VPS39: variants seen among roughly 807,000 people sequenced by gnomAD.
VPS39 encodes the protein vam6/Vps39-like protein.
Under a neutral mutation model 121.0 loss-of-function variants are expected in VPS39, and 70 were observed. That is an observed-to-expected ratio of 0.58 (90% CI 0.48 to 0.71). The LOEUF (loss-of-function observed/expected upper bound fraction) is 0.71, where lower values mean the gene tolerates loss of function less well. VPS39 is among the 30% of genes least tolerant of loss of function. The probability of loss-of-function intolerance (pLI) is 0.00; values close to 1 mark genes in which losing one functional copy is unlikely to be tolerated. For missense variants in VPS39, 818 were observed against 1,051.5 expected, an observed-to-expected ratio of 0.78 and a Z score of 3.07; for synonymous variants, 378 against 398.1, an observed-to-expected ratio of 0.95 and a Z score of 0.60.
Position 42,166,196 on chromosome 15 carries a change from A to G in VPS39, c.1643T>C (p.Val548Ala). 1 of 1,614,226 alleles carries G rather than the reference A, an allele frequency of 6.2e-7. No individual in the cohort carries two copies. Among genetic ancestry groups the G allele is most frequent in the Non-Finnish European group, 8.5e-7 (1 of 1,180,030 alleles). Residue 548 changes from valine to alanine, a missense_variant, in exon 16 of 25, where the codon GTG (valine) becomes GCG (alanine). Transcript: ENST00000318006. Reference sequence around the variant, plus strand: ...TTCTGGGAAGTCTCTCAGCACCCACACTGAGTAGGAGAAAATCAAATGCAG... The same window carrying G: ...TTCTGGGAAGTCTCTCAGCACCCACGCTGAGTAGGAGAAAATCAAATGCAG... ...ENLHLIFSYS[V>A]WVLRDFPEDG...
intron 16 of VPS39, 33 bp downstream of exon 16, chr15:42,166,126 A>C (rs767346449): frequency 6.3e-7 from 1 of 1,598,992 alleles, no homozygotes; most frequent in African/African-American, 1.3e-5. Flanking sequence ...CCAAGTGTTT[A>C]CCAGATAAAT....
At chr15:42,175,757 C>G (rs1404453001) in intron 10 of VPS39, among the ~76,000 whole-genome samples, 1 of 151,996 alleles carries the variant, frequency 6.6e-6, no homozygotes. Context: ...GAGTCCCAAA[C>G]ACTTAGGCCA....
In VPS39 at chr15:42,200,220, G is replaced by A. The variant is rs150421034; in HGVS notation, c.74-259C>T. Among the ~76,000 whole-genome samples the A allele has an allele frequency of 3.5e-4, 53 of 152,132 alleles. No homozygotes were observed. The East Asian group carries it at 0.01, about 29-fold the overall frequency. ...ACATATCAGAGGATAAAAATGTCCT[G>A]GCTCAATTGTTTTAATGTTAAACTA... is the stretch of plus-strand genomic sequence containing the variant. On this transcript the variant is annotated intron_variant, in intron 1 of 24. Transcript: ENST00000318006.
chr15:42,167,588 C>T (rs1566892405), intron 12 of VPS39, 51 bp from the exon 13 acceptor site: 3 of 1,598,658 alleles, frequency 1.9e-6, no homozygotes, highest in Admixed American at 1.7e-5. Context: ...CTTCCTTTGT[C>T]ATCTGAGCTA....
chr15:42,183,106 G>GT (rs1319799073), intron 8 of VPS39, among the ~76,000 whole-genome samples: 100 of 112,570 alleles, frequency 8.9e-4, no homozygotes, highest in South Asian at 3.3e-3. Flanking sequence ...TGTGTTTTTT[G>GT]TTTTTTTTTT....
chr15:42,191,000 T>C (rs1392296275), intron 4 of VPS39, 125 bp downstream of exon 4: 1 of 1,051,890 alleles, frequency 9.5e-7, no homozygotes, highest in Non-Finnish European at 1.5e-6. Flanking sequence ...TGTACCCTGT[T>C]ATACCAGGTT....
At chr15:42,173,550 A>G in intron 11 of VPS39, 173 bp downstream of exon 11, 2 of 707,706 alleles carry the variant, frequency 2.8e-6, no homozygotes, top group East Asian at 5.5e-5. Context: ...TAGGATTAGG[A>G]GTATAGATAT....
intron 4 of VPS39, among the ~76,000 whole-genome samples, chr15:42,189,612 C>G (rs1595672939): frequency 6.6e-6 from 1 of 150,970 alleles, no homozygotes; most frequent in East Asian, 2.0e-4. Context: ...GCCTGTAATC[C>G]CAGCTACTCA....
intron 8 of VPS39, among the ~76,000 whole-genome samples, chr15:42,179,623 A>AAAT (rs1248943349): frequency 7.1e-4 from 101 of 141,630 alleles, no homozygotes; most frequent in Non-Finnish European, 1.2e-3. Flanking sequence ...ATAAATAAAT[A>AAAT]AAATAAAAAA....
intron 2 of VPS39, among the ~76,000 whole-genome samples, chr15:42,198,761 A>C (rs535262263): frequency 5.3e-5 from 8 of 152,216 alleles, no homozygotes; most frequent in Non-Finnish European, 1.0e-4. Flanking sequence ...ATACCTATTC[A>C]TTACATATTG....
chr15:42,203,599 C>T (rs2050111717), intron 1 of VPS39, among the ~76,000 whole-genome samples: 1 of 151,934 alleles, frequency 6.6e-6, no homozygotes, highest in South Asian at 2.1e-4. Flanking sequence ...AGATTGTGCG[C>T]CATTGCACTC....
chr15:42,171,812 AT>A (rs1293801202), intron 11 of VPS39, among the ~76,000 whole-genome samples: 1 of 151,860 alleles, frequency 6.6e-6, no homozygotes, highest in Non-Finnish European at 1.5e-5. Flanking sequence ...GTCTCCATGA[AT>A]CTGCCTACTC....
At chr15:42,187,889 CAAT>C in intron 5 of VPS39, 33 bp from the exon 6 acceptor site, 4 of 1,579,452 alleles carry the variant, frequency 2.5e-6, no homozygotes, top group Non-Finnish European at 3.5e-6. Flanking sequence ...AATGAAAATA[CAAT>C]GACTCTCTCT....
At position 42,191,155 on chromosome 15, in the gene VPS39, A is replaced by C; in HGVS notation, c.217T>G (p.Ser73Ala). 1 of 1,614,182 alleles carries C rather than the reference A, an allele frequency of 6.2e-7. No homozygotes were observed. The highest frequency in any genetic ancestry group is 1.1e-5 in the South Asian group (1 of 91,082). ...SKKIQQIHVV[S>A]QFKILVSLLE... Reference sequence around the variant, plus strand: ...AAGCTGACCAGAATCTTAAACTGGGAAACCACATGGATCTGGAAAATAGGA... The same window carrying C: ...AAGCTGACCAGAATCTTAAACTGGGCAACCACATGGATCTGGAAAATAGGA... The change falls in exon 4 of 25, where the codon TCC (serine) becomes GCC (alanine). Residue 73 changes from serine (S) to alanine (A), a missense_variant. Transcript: ENST00000318006.
Position 42,162,313 on chromosome 15 carries a change from C to A in VPS39, c.2325+19G>T, listed in dbSNP as rs2049145135. ...GCTCCCTGCAAACACCCTCCATCTC[C>A]CTAGGAACAACTCCTGACCTTGGTG... On this transcript the variant is annotated intron_variant, in intron 22 of 24. Coordinates refer to ENST00000318006, the MANE Select transcript of VPS39 (RefSeq NM_015289.5). 1.2e-6 allele frequency: 2 copies of A among 1,603,316 alleles called. No individual in the cohort carries two copies. Among genetic ancestry groups the A allele is most frequent in the Non-Finnish European group, 1.7e-6 (2 of 1,172,974 alleles).
intron 12 of VPS39, among the ~76,000 whole-genome samples, chr15:42,168,283 G>A (rs931781827): frequency 2.0e-5 from 3 of 152,252 alleles, no homozygotes; most frequent in African/African-American, 7.2e-5. Flanking sequence ...GACATTGGCA[G>A]TGGAGGGCCT....
intron 10 of VPS39, among the ~76,000 whole-genome samples, chr15:42,174,930 C>T (rs371992096): frequency 2.0e-5 from 3 of 151,758 alleles, no homozygotes; most frequent in South Asian, 2.1e-4. Flanking sequence ...GCCAAGATCA[C>T]GCCACTGTAC....
chr15:42,163,347 C>A lies in VPS39; in HGVS notation c.2175+3G>T. The A allele has an allele frequency of 6.2e-7, 1 of 1,614,198 alleles. No homozygotes were observed. Among genetic ancestry groups the A allele is most frequent in the Non-Finnish European group, 8.5e-7 (1 of 1,180,034 alleles). Reference sequence around the variant, plus strand: ...TGCTCCCTGGGTCAGGGTCACTACTCACATCTTTGTTGCCATCTTTGTTTC... The same window carrying A: ...TGCTCCCTGGGTCAGGGTCACTACTAACATCTTTGTTGCCATCTTTGTTTC... On this transcript the variant is annotated splice_donor_region_variant and intron_variant, in intron 21 of 24. Transcript: ENST00000318006.
chr15:42,190,997 T>A, intron 4 of VPS39, 128 bp downstream of exon 4: 1 of 1,015,186 alleles, frequency 9.9e-7, no homozygotes, highest in Non-Finnish European at 1.5e-6. Context: ...CCATGTACCC[T>A]GTTATACCAG....
Sources: gnomAD v4.1 joint callset for allele counts (sites outside exome capture counted in the v4.1 genomes callset) on GRCh38, gnomAD v4.1.1 for gene constraint, MANE v1.5 for transcripts, NCBI Gene and HGNC (gene_info 2026-07-23, HGNC 2026-07-21) for gene names.